The following CWC27 variants were observed in gnomAD, a reference collection of about 807,000 sequenced individuals.
CWC27 encodes CWC27 spliceosome associated cyclophilin.
A neutral mutation model predicts 63.6 loss-of-function variants in CWC27; 47 were observed. The observed-to-expected ratio is 0.74, with a 90% CI of 0.58 to 0.94. The LOEUF (loss-of-function observed/expected upper bound fraction) is 0.94, where lower values mean the gene tolerates loss of function less well. Ranked by LOEUF, CWC27 falls within the 40% of genes least tolerant of loss-of-function variation. CWC27 has a pLI of 0.00. For synonymous variants in CWC27, 175 were observed against 179.8 expected (o/e 0.97, Z 0.22); for missense variants, 495 against 554.3 (o/e 0.89, Z 1.07).
At chr5:64,919,566 A>T (rs1426347250) in intron 11 of CWC27, among the ~76,000 whole-genome samples, 1 of 152,082 alleles carries the variant, frequency 6.6e-6, no homozygotes, top group Non-Finnish European at 1.5e-5. Context: ...GGCCATGTGT[A>T]TTCAGTGTCT....
At chr5:64,902,920 A>G (rs1288869340) in intron 11 of CWC27, among the ~76,000 whole-genome samples, 1 of 152,206 alleles carries the variant, frequency 6.6e-6, no homozygotes. Context: ...TTTTCAATGT[A>G]GAGGTCTTGT....
chr5:64,811,265 A>C (rs1002398139), intron 10 of CWC27, among the ~76,000 whole-genome samples: 12 of 152,148 alleles, frequency 7.9e-5, no homozygotes, highest in African/African-American at 2.9e-4. Context: ...TGTAAATCAG[A>C]TTGTGTTGTC....
At chr5:64,901,406 C>T (rs1747507180) in intron 11 of CWC27, among the ~76,000 whole-genome samples, 1 of 148,752 alleles carries the variant, frequency 6.7e-6, no homozygotes, top group Admixed American at 6.8e-5. Flanking sequence ...TGCAGTGAGC[C>T]GAGATGGCAC....
chr5:64,826,381 G>T (rs1456371556), intron 10 of CWC27, among the ~76,000 whole-genome samples: 1 of 152,004 alleles, frequency 6.6e-6, no homozygotes, highest in Non-Finnish European at 1.5e-5. Flanking sequence ...TCAGTTATTT[G>T]ACATTTATTG....
At chr5:64,920,317 A>G (rs1217504040) in intron 11 of CWC27, among the ~76,000 whole-genome samples, 2 of 152,156 alleles carry the variant, frequency 1.3e-5, no homozygotes, top group African/African-American at 4.8e-5. Flanking sequence ...TTCCAGGGAT[A>G]AAGCCTACTT....
At chr5:64,865,110 A>G (rs2112316646) in intron 10 of CWC27, among the ~76,000 whole-genome samples, 1 of 132,106 alleles carries the variant, frequency 7.6e-6, no homozygotes, top group South Asian at 2.5e-4. Flanking sequence ...ACAGTGCAAC[A>G]TGCTAAGGGC....
intron 11 of CWC27, among the ~76,000 whole-genome samples, chr5:64,929,139 A>G (rs964955202): frequency 6.6e-6 from 1 of 152,132 alleles, no homozygotes; most frequent in African/African-American, 2.4e-5. Flanking sequence ...ACTTTTGGGA[A>G]TGGATTGGTA....
At chr5:64,772,228 G>C (rs1457853089) in intron 1 of CWC27, among the ~76,000 whole-genome samples, 1 of 152,188 alleles carries the variant, frequency 6.6e-6, no homozygotes, top group Non-Finnish European at 1.5e-5. Flanking sequence ...AAACCAGTGA[G>C]TGCATACTTC....
intron 10 of CWC27, among the ~76,000 whole-genome samples, chr5:64,834,764 T>A (rs1232109189): frequency 6.6e-6 from 1 of 151,792 alleles, no homozygotes; most frequent in Admixed American, 6.6e-5. Context: ...GCTTATACTA[T>A]CCTGTTTCTT....
At chr5:64,807,470 C>T (rs1216644829) in intron 10 of CWC27, 25 of 1,251,156 alleles carry the variant, frequency 2.0e-5, no homozygotes, top group Non-Finnish European at 2.6e-5. Context: ...AGGGGAAATA[C>T]AAATCCAAAA....
At chr5:64,857,077 T>G (rs999187522) in intron 10 of CWC27, among the ~76,000 whole-genome samples, 1 of 152,210 alleles carries the variant, frequency 6.6e-6, no homozygotes, top group Non-Finnish European at 1.5e-5. Flanking sequence ...GGAGATGTTA[T>G]AAGCTCATGC....
chr5:64,923,631 C>T (rs1433097710), intron 11 of CWC27, among the ~76,000 whole-genome samples: 1 of 143,826 alleles, frequency 7.0e-6, no homozygotes, highest in African/African-American at 2.6e-5. Context: ...CGTCTTTGTT[C>T]TATTTCTCCC....
intron 10 of CWC27, among the ~76,000 whole-genome samples, chr5:64,833,571 G>A (rs1745584817): frequency 6.6e-6 from 1 of 151,712 alleles, no homozygotes; most frequent in South Asian, 2.1e-4. Context: ...AATCTTAGAA[G>A]TTAAACAACC....
intron 10 of CWC27, among the ~76,000 whole-genome samples, chr5:64,846,447 T>C (rs1056940408): frequency 2.0e-5 from 3 of 152,248 alleles, no homozygotes; most frequent in African/African-American, 7.2e-5. Context: ...TTAATTGTTG[T>C]ATGCAAAGTT....
At chr5:64,845,141 G>C (rs981123155) in intron 10 of CWC27, among the ~76,000 whole-genome samples, 2 of 152,196 alleles carry the variant, frequency 1.3e-5, no homozygotes, top group Admixed American at 6.5e-5. Flanking sequence ...TCAGAGGAAA[G>C]GCATCTGCCC....
At chr5:64,781,757 T>G (rs1743699133) in intron 2 of CWC27, among the ~76,000 whole-genome samples, 164 bp from the exon 3 acceptor site, 1 of 152,188 alleles carries the variant, frequency 6.6e-6, no homozygotes, top group South Asian at 2.1e-4. Flanking sequence ...TGTGCTGTTC[T>G]GAGAAGTAAC....
chr5:64,875,963 C>G (rs1479139413), intron 10 of CWC27, among the ~76,000 whole-genome samples: 1 of 152,058 alleles, frequency 6.6e-6, no homozygotes, highest in Non-Finnish European at 1.5e-5. Flanking sequence ...TTCTTTCTTA[C>G]AACAACCTTA....
intron 11 of CWC27, among the ~76,000 whole-genome samples, chr5:64,934,051 G>A (rs1186900012): frequency 6.6e-6 from 1 of 152,086 alleles, no homozygotes; most frequent in Non-Finnish European, 1.5e-5. Flanking sequence ...TTGAGATTAT[G>A]TAAATATATC....
chr5:64,862,261 A>G (rs1580683600), intron 10 of CWC27, among the ~76,000 whole-genome samples: 1 of 152,164 alleles, frequency 6.6e-6, no homozygotes, highest in East Asian at 1.9e-4. Flanking sequence ...ACACAGCCAC[A>G]CTGCATATTT....
Sources: gnomAD v4.1 joint callset for allele counts (sites outside exome capture counted in the v4.1 genomes callset) on GRCh38, gnomAD v4.1.1 for gene constraint, MANE v1.5 for transcripts, NCBI Gene and HGNC (gene_info 2026-07-23, HGNC 2026-07-21) for gene names.